Variants in SPIRE1 observed in about 807,000 individuals in gnomAD.
SPIRE1 encodes the protein protein spire homolog 1.
A neutral mutation model predicts 94.1 loss-of-function variants in SPIRE1; 40 were observed. That is an observed-to-expected ratio of 0.43 (90% CI 0.33 to 0.55). SPIRE1 has a LOEUF of 0.55. SPIRE1 is among the 20% of genes least tolerant of loss of function. SPIRE1 has a pLI of 0.06. For synonymous variants in SPIRE1, 376 were observed against 371.7 expected, an observed-to-expected ratio of 1.01 and a Z score of -0.13; for missense variants, 838 against 975.2, an observed-to-expected ratio of 0.86 and a Z score of 1.87.
At chr18:12,466,313 G>C (rs1204478327) in intron 10 of SPIRE1, among the ~76,000 whole-genome samples, 1 of 151,998 alleles carries the variant, frequency 6.6e-6, no homozygotes, top group Non-Finnish European at 1.5e-5. Flanking sequence ...GTCTCACTCT[G>C]TTGCCCAGGC....
At chr18:12,615,960 A>C (rs1255586905) in intron 2 of SPIRE1, among the ~76,000 whole-genome samples, 1 of 152,208 alleles carries the variant, frequency 6.6e-6, no homozygotes, top group East Asian at 1.9e-4. Context: ...GAATTCTCTC[A>C]ATCTTCCATT....
chr18:12,622,006 C>A (rs1381876020), intron 2 of SPIRE1, among the ~76,000 whole-genome samples: 9 of 152,068 alleles, frequency 5.9e-5, no homozygotes. Flanking sequence ...GAGAATATGT[C>A]GAGACACCAT....
rs993188348 is a variant in SPIRE1, at chr18:12,447,061, C to T, written c.*2577G>A. The T allele has an allele frequency of 1.3e-5, 2 of 152,146 alleles. No individual in the cohort carries two copies. The highest frequency in any genetic ancestry group is 4.8e-5 in the African/African-American group (2 of 41,410). 9.4% of individuals were successfully genotyped at this position (152,146 alleles called of 1,614,324 possible). A position where few individuals can be genotyped will look rare whatever the true frequency, so the allele number is the denominator to read the frequency against. On this transcript the variant is annotated 3_prime_UTR_variant, in exon 17 of 17. Transcript: ENST00000409402. ...TACAGTATTTACAAGCATTCTTATACACTCCGACACTGACAGGGAGTTAAG... is the reference window on the plus strand; with the variant it reads ...TACAGTATTTACAAGCATTCTTATATACTCCGACACTGACAGGGAGTTAAG...
At chr18:12,622,644 G>T (rs988379346) in intron 2 of SPIRE1, among the ~76,000 whole-genome samples, 3 of 150,838 alleles carry the variant, frequency 2.0e-5, no homozygotes, top group Non-Finnish European at 3.0e-5. Context: ...GGATGGTCTC[G>T]ATCTCCTGAC....
chr18:12,547,668 G>C (rs1425809215), intron 2 of SPIRE1, among the ~76,000 whole-genome samples: 2 of 152,150 alleles, frequency 1.3e-5, no homozygotes, highest in African/African-American at 4.8e-5. Flanking sequence ...GGCAGCCAGC[G>C]TGGTGGCTCA....
At chr18:12,547,574 A>G (rs2144287120) in intron 2 of SPIRE1, among the ~76,000 whole-genome samples, 1 of 152,324 alleles carries the variant, frequency 6.6e-6, no homozygotes, top group Middle Eastern at 3.4e-3. Context: ...TTTCTGCTAT[A>G]TATTTAAAAA....
chr18:12,570,621 A>C (rs893216250), intron 2 of SPIRE1, among the ~76,000 whole-genome samples: 4 of 152,196 alleles, frequency 2.6e-5, no homozygotes, highest in Non-Finnish European at 5.9e-5. Context: ...AATTATTCTC[A>C]TTTTAAACAT....
intron 2 of SPIRE1, among the ~76,000 whole-genome samples, chr18:12,557,202 C>T (rs568459889): frequency 2.6e-5 from 4 of 152,308 alleles, no homozygotes; most frequent in South Asian, 4.1e-4. Flanking sequence ...CAGGGGGTGG[C>T]GCCCGTCGGG....
chr18:12,573,183 A>T (rs1488269733), intron 2 of SPIRE1, among the ~76,000 whole-genome samples: 2 of 152,248 alleles, frequency 1.3e-5, no homozygotes, highest in African/African-American at 4.8e-5. Context: ...AAATAATGTG[A>T]ATGTACACCT....
chr18:12,584,997 G>C (rs1441615128), intron 2 of SPIRE1, among the ~76,000 whole-genome samples: 1 of 152,004 alleles, frequency 6.6e-6, no homozygotes, highest in Non-Finnish European at 1.5e-5. Context: ...GTAGAGATGG[G>C]GTTTCACCAT....
At chr18:12,477,339 G>A (rs1267685586) in intron 10 of SPIRE1, among the ~76,000 whole-genome samples, 1 of 152,170 alleles carries the variant, frequency 6.6e-6, no homozygotes, top group Non-Finnish European at 1.5e-5. Context: ...TGCCATGACT[G>A]AGAAACTGAG....
chr18:12,462,732 G>A (rs2143606340), intron 12 of SPIRE1, among the ~76,000 whole-genome samples: 1 of 152,162 alleles, frequency 6.6e-6, no homozygotes, highest in East Asian at 1.9e-4. Flanking sequence ...TAGTCATTTT[G>A]CTAAGAGTTT....
intron 3 of SPIRE1, among the ~76,000 whole-genome samples, chr18:12,538,193 C>A (rs910027909): frequency 4.6e-5 from 7 of 152,072 alleles, no homozygotes; most frequent in African/African-American, 1.4e-4. Flanking sequence ...AAATGTAATT[C>A]CCTTTATATT....
At chr18:12,646,900 C>T (rs554886144) in intron 1 of SPIRE1, among the ~76,000 whole-genome samples, 2 of 152,076 alleles carry the variant, frequency 1.3e-5, no homozygotes, top group Non-Finnish European at 1.5e-5. Flanking sequence ...CAAAATTAGC[C>T]AGGCGTGGTG....
chr18:12,634,116 C>A (rs553027429), intron 2 of SPIRE1, among the ~76,000 whole-genome samples: 2 of 151,740 alleles, frequency 1.3e-5, no homozygotes, highest in African/African-American at 4.8e-5. Context: ...GGCGCGGTGG[C>A]GGGCGCCTGT....
intron 2 of SPIRE1, among the ~76,000 whole-genome samples, chr18:12,589,187 A>G (rs1470073879): frequency 9.9e-6 from 1 of 100,626 alleles, no homozygotes; most frequent in African/African-American, 2.9e-5. Flanking sequence ...CTCTGCACCC[A>G]ATTTCAGAGA....
chr18:12,533,321 T>G (rs564975322), intron 4 of SPIRE1, among the ~76,000 whole-genome samples: 22 of 148,818 alleles, frequency 1.5e-4, no homozygotes, highest in Non-Finnish European at 2.7e-4. Context: ...CCTGTCAGCT[T>G]TTTCTTTAAA....
At chr18:12,648,048 T>C (rs996613220) in intron 1 of SPIRE1, among the ~76,000 whole-genome samples, 8 of 152,064 alleles carry the variant, frequency 5.3e-5, no homozygotes, top group African/African-American at 1.9e-4. Flanking sequence ...ACAACCAAAG[T>C]ACAAAATACA....
chr18:12,622,382 T>C (rs1252312349), intron 2 of SPIRE1, among the ~76,000 whole-genome samples: 3 of 151,684 alleles, frequency 2.0e-5, no homozygotes, highest in African/African-American at 7.3e-5. Flanking sequence ...CAGACAGAAA[T>C]GTTTCTTCCC....
Sources: allele counts gnomAD v4.1 joint callset (sites outside exome capture counted in the v4.1 genomes callset), GRCh38; gene constraint gnomAD v4.1.1; transcripts MANE v1.5; gene names NCBI Gene and HGNC (gene_info 2026-07-23, HGNC 2026-07-21).